SSUH2: variants seen among roughly 807,000 people sequenced by gnomAD.
The protein encoded by SSUH2 is ssu-2 homolog.
A neutral mutation model predicts 55.3 loss-of-function variants in SSUH2; 47 were observed. That is an observed-to-expected ratio of 0.85 (90% confidence interval 0.67 to 1.08). SSUH2 has a LOEUF of 1.08. Ranked by LOEUF, SSUH2 falls within the 50% of genes least tolerant of loss-of-function variation. SSUH2 has a pLI of 0.00. For synonymous variants in SSUH2, 212 were observed against 191.5 expected, an observed-to-expected ratio of 1.11 and a Z score of -0.89; for missense variants, 535 against 490.7, an observed-to-expected ratio of 1.09 and a Z score of -0.85.
At chr3:8,657,315 T>C (rs188786968) in intron 7 of SSUH2, among the ~76,000 whole-genome samples, 1 of 152,216 alleles carries the variant, frequency 6.6e-6, no homozygotes, top group Non-Finnish European at 1.5e-5. Context: ...GGTGAGTGGA[T>C]GAATAATCAA....
chr3:8,625,559 T>TA lies in SSUH2; in HGVS notation c.855dup (p.Lys286Ter). 6.2e-7 allele frequency: 1 copy of TA among 1,612,984 alleles called. No homozygotes were observed. The highest frequency in any genetic ancestry group is 8.5e-7 in the Non-Finnish European group (1 of 1,179,092). Reference sequence around the variant, plus strand: ...CCTCTTACCACCGAGTTTTCATCCTTAAAGAGGTTTTCTCCTTTGGCTTTA... The same window carrying TA: ...CCTCTTACCACCGAGTTTTCATCCTTAAAAGAGGTTTTCTCCTTTGGCTTTA... On this transcript the variant is annotated frameshift_variant, in exon 10 of 12. Transcript: ENST00000544814. LOFTEE classifies it high-confidence loss of function.
chr3:8,671,465 C>T (rs1704557485), intron 4 of SSUH2, among the ~76,000 whole-genome samples: 1 of 151,998 alleles, frequency 6.6e-6, no homozygotes, highest in Admixed American at 6.5e-5. Context: ...GGTGACATCC[C>T]TCTAGGATAT....
At chr3:8,623,785 G>A (rs542900526) in intron 10 of SSUH2, 129 bp from the exon 11 acceptor site, 1 of 578,448 alleles carries the variant, frequency 1.7e-6, no homozygotes, top group East Asian at 2.9e-5. Flanking sequence ...CCCACGGTGT[G>A]GTCTCAGGAA....
At chr3:8,629,851 G>A (rs1698411173) in intron 6 of SSUH2, 125 bp from the exon 7 acceptor site, 3 of 843,894 alleles carry the variant, frequency 3.6e-6, no homozygotes, top group Non-Finnish European at 6.0e-6. Context: ...GCACAGGAAA[G>A]AAATGGCCCT....
chr3:8,667,483 T>C (rs900671887), intron 5 of SSUH2, among the ~76,000 whole-genome samples: 2 of 152,222 alleles, frequency 1.3e-5, no homozygotes, highest in African/African-American at 2.4e-5. Context: ...TTGTGGCCTG[T>C]ATCTTGAAAA....
intron 2 of SSUH2, among the ~76,000 whole-genome samples, chr3:8,679,086 GCAA>G (rs1705725031): frequency 1.9e-5 from 2 of 103,710 alleles, no homozygotes; most frequent in African/African-American, 6.6e-5. Context: ...GGGACTGAGA[GCAA>G]GCACCTCTTT....
intron 5 of SSUH2, among the ~76,000 whole-genome samples, chr3:8,669,362 A>C (rs1026013707): frequency 5.3e-5 from 8 of 152,246 alleles, no homozygotes; most frequent in African/African-American, 1.9e-4. Context: ...ATAAATAACA[A>C]GTAAGGGAGA....
intron 4 of SSUH2, among the ~76,000 whole-genome samples, chr3:8,633,384 TCC>T (rs1699245535): frequency 4.8e-5 from 2 of 41,832 alleles, no homozygotes; most frequent in Non-Finnish European, 1.4e-4. Flanking sequence ...CCTCAGGTGA[TCC>T]TGACCTCAGG....
chr3:8,665,726 C>T (rs1247565632), intron 5 of SSUH2, among the ~76,000 whole-genome samples: 2 of 152,142 alleles, frequency 1.3e-5, no homozygotes, highest in African/African-American at 4.8e-5. Context: ...AATATCATTA[C>T]TCAAAACAAA....
upstream of SSUH2, among the ~76,000 whole-genome samples, chr3:8,648,929 C>T (rs1199623764): frequency 6.6e-6 from 1 of 152,120 alleles, no homozygotes; most frequent in Non-Finnish European, 1.5e-5. Flanking sequence ...TTAGTGAGTG[C>T]TGGGCTGCCC....
intron 7 of SSUH2, among the ~76,000 whole-genome samples, chr3:8,653,947 A>C (rs1156533297): frequency 1.3e-5 from 2 of 152,178 alleles, no homozygotes; most frequent in South Asian, 4.1e-4. Context: ...AGCATGGCTC[A>C]GTTTTGCCTG....
intron 5 of SSUH2, among the ~76,000 whole-genome samples, chr3:8,666,046 A>AC (rs1703963861): frequency 6.6e-6 from 1 of 152,202 alleles, no homozygotes; most frequent in Non-Finnish European, 1.5e-5. Context: ...TGAGCTCCCA[A>AC]AACACCTCTG....
At chr3:8,661,540 T>C (rs1703489544) in intron 6 of SSUH2, among the ~76,000 whole-genome samples, 1 of 152,168 alleles carries the variant, frequency 6.6e-6, no homozygotes, top group Non-Finnish European at 1.5e-5. Context: ...AGCCAACAAG[T>C]CAGCCTGCCT....
At chr3:8,681,164 G>A (rs542492784) in intron 1 of SSUH2, among the ~76,000 whole-genome samples, 28 of 142,424 alleles carry the variant, frequency 2.0e-4, no homozygotes, top group Non-Finnish European at 3.4e-4. Flanking sequence ...CCATAGCAGG[G>A]GGGGGAGTCA....
intron 1 of SSUH2, among the ~76,000 whole-genome samples, chr3:8,637,004 G>A (rs1442774287): frequency 1.3e-5 from 2 of 152,124 alleles, no homozygotes; most frequent in Admixed American, 6.5e-5. Context: ...TAGGATGTTT[G>A]GACTTATTGA....
At chr3:8,658,764 G>A (rs1703192906) in intron 7 of SSUH2, among the ~76,000 whole-genome samples, 2 of 152,142 alleles carry the variant, frequency 1.3e-5, no homozygotes, top group Admixed American at 6.5e-5. Context: ...CCTTGTGCCT[G>A]CATGACTTCT....
intron 3 of SSUH2, chr3:8,634,130 G>A (rs188532992): frequency 5.7e-6 from 4 of 695,908 alleles, no homozygotes; most frequent in African/African-American, 5.4e-5. Context: ...GAGGTCCAGA[G>A]AGGATGTCGC....
chr3:8,657,406 C>T (rs1342519790), intron 7 of SSUH2, among the ~76,000 whole-genome samples: 2 of 152,086 alleles, frequency 1.3e-5, no homozygotes, highest in African/African-American at 2.4e-5. Flanking sequence ...AAGACTCAGC[C>T]CCTACCCTCA....
chr3:8,673,593 T>A (rs1704866936), intron 3 of SSUH2, among the ~76,000 whole-genome samples: 1 of 152,196 alleles, frequency 6.6e-6, no homozygotes, highest in Non-Finnish European at 1.5e-5. Context: ...CAACCACACC[T>A]GGGTTGATTG....
Sources: gnomAD v4.1 joint callset for allele counts (sites outside exome capture counted in the v4.1 genomes callset) on GRCh38, gnomAD v4.1.1 for gene constraint, MANE v1.5 for transcripts, NCBI Gene and HGNC (gene_info 2026-07-23, HGNC 2026-07-21) for gene names.